CHD9: variants seen among roughly 807,000 people sequenced by gnomAD.
CHD9 encodes chromodomain helicase DNA binding protein 9, also known as ATP-dependent chromatin remodeler CHD9.
A neutral mutation model predicts 316.1 loss-of-function variants in CHD9; 77 were observed. The observed-to-expected ratio is 0.24, with a 90% CI of 0.20 to 0.29. The LOEUF is 0.29. CHD9 is among the 10% of genes least tolerant of loss of function. The pLI is 1.00. For missense variants in CHD9, 2,763 were observed against 3,438.1 expected (o/e 0.80, Z 4.91); for synonymous variants, 1,129 against 1,158.3 (o/e 0.97, Z 0.51).
chr16:53,084,949 TG>T (rs35377732), intron 1 of CHD9, among the ~76,000 whole-genome samples: 1 of 152,186 alleles, frequency 6.6e-6, no homozygotes, highest in Non-Finnish European at 1.5e-5. Context: ...GGTTGCAAAC[TG>T]GGGGTGCTCG....
In CHD9 at chr16:53,162,777, A is replaced by G. The variant is rs528803542; in HGVS notation, c.1452+5236A>G. ...AGAAAGATAGGTTTGAGCAGCACAT[A>G]TAAGCCTTTTTTTTTTTTTTTTGGT... is the stretch of plus-strand genomic sequence containing the variant. On this transcript the variant is annotated intron_variant, in intron 2 of 38. Transcript: ENST00000447540. 3.3e-5 allele frequency among the ~76,000 whole-genome samples: 5 copies of G among 150,296 alleles called. No homozygotes were observed. The East Asian group carries it at 9.7e-4, about 29-fold the overall frequency.
chr16:53,063,466 T>A (rs113765005), intron 1 of CHD9, among the ~76,000 whole-genome samples: 2,232 of 152,070 alleles, frequency 0.015, 58 homozygotes, highest in African/African-American at 0.051. Flanking sequence ...GGTTCCCCAT[T>A]TTTTCTGTCT....
intron 1 of CHD9, among the ~76,000 whole-genome samples, chr16:53,151,060 C>T (rs887030947): frequency 1.3e-5 from 2 of 151,728 alleles, no homozygotes; most frequent in East Asian, 3.9e-4. Flanking sequence ...GTCTTTCTGC[C>T]CTTTTCTCTC....
chr16:53,079,597 G>A lies in CHD9; in HGVS notation c.-165+24520G>A, dbSNP rs529392489. ...ATTATACCTCAGTTTATGTTAGTGG[G>A]GTGTCTTTTGGTTGGAATCCTAGAT... On this transcript the variant is annotated intron_variant, in intron 1 of 38. Transcript: ENST00000447540. Among the ~76,000 whole-genome samples the A allele has an allele frequency of 2.6e-5, 4 of 152,074 alleles. No individual in the cohort carries two copies. The South Asian group carries it at 6.2e-4, about 24-fold the overall frequency.
intron 2 of CHD9, among the ~76,000 whole-genome samples, chr16:53,181,856 A>C (rs1382374655): frequency 6.6e-6 from 1 of 152,134 alleles, no homozygotes; most frequent in Non-Finnish European, 1.5e-5. Context: ...GAGCTGGGCG[A>C]ATCACCTAGG....
At chr16:53,240,090 T>C (rs963577183) in intron 12 of CHD9, among the ~76,000 whole-genome samples, 1 of 152,090 alleles carries the variant, frequency 6.6e-6, no homozygotes, top group Non-Finnish European at 1.5e-5. Context: ...AATTATTTTA[T>C]TTTTTGTGAA....
chr16:53,081,220 A>C (rs1160132566), intron 1 of CHD9, among the ~76,000 whole-genome samples: 2 of 152,212 alleles, frequency 1.3e-5, no homozygotes, highest in African/African-American at 4.8e-5. Flanking sequence ...AGGGACTGTC[A>C]AAGGCAACCA....
At chr16:53,074,599 A>C (rs1030081723) in intron 1 of CHD9, among the ~76,000 whole-genome samples, 4 of 152,056 alleles carry the variant, frequency 2.6e-5, no homozygotes, top group African/African-American at 4.8e-5. Context: ...CATCCCAGCC[A>C]CTCCAGCCGT....
In CHD9 at chr16:53,157,439, T is replaced by C; in HGVS notation, c.1350T>C (p.Asp450=). Residue 450 remains aspartate, a synonymous_variant, in exon 2 of 39, where the codon GAT becomes GAC. Transcript: ENST00000447540. ...FTSHLVTRPS[D]MAQTQLQSQA... ...CGCATCTGGTAACACGGCCTTCTGA[T>C]ATGGCTCAGACTCAGTTGCAAAGTC... 6.2e-7 allele frequency: 1 copy of C among 1,614,034 alleles called. No homozygotes were observed. Among genetic ancestry groups the C allele is most frequent in the South Asian group, 1.1e-5 (1 of 91,090 alleles).
chr16:53,169,783 A>G (rs1438042001), intron 2 of CHD9, among the ~76,000 whole-genome samples: 5 of 152,172 alleles, frequency 3.3e-5, no homozygotes, highest in African/African-American at 1.2e-4. Flanking sequence ...AAATAACATT[A>G]TATACTATAT....
chr16:53,190,048 TA>T (rs1426591958), intron 2 of CHD9, among the ~76,000 whole-genome samples: 6 of 152,234 alleles, frequency 3.9e-5, no homozygotes, highest in African/African-American at 1.2e-4. Context: ...CCCCCAACCC[TA>T]CCTCCCAAAC....
chr16:53,179,718 G>A lies in CHD9; in HGVS notation c.1452+22177G>A, dbSNP rs1010536195. Reference sequence around the variant, plus strand: ...TCAAGACCAGCCTGGCCAACATGGTGAAACCCCATCTCTACTAAAAATACA... The same window carrying A: ...TCAAGACCAGCCTGGCCAACATGGTAAAACCCCATCTCTACTAAAAATACA... On this transcript the variant is annotated intron_variant, in intron 2 of 38. Coordinates refer to ENST00000447540, the MANE Select transcript of CHD9 (RefSeq NM_001308319.2). 4.6e-5 allele frequency among the ~76,000 whole-genome samples: 7 copies of A among 151,992 alleles called. No homozygotes were observed. The South Asian group carries it at 1.0e-3, about 23-fold the overall frequency.
At chr16:53,099,620 A>C (rs925474669) in intron 1 of CHD9, among the ~76,000 whole-genome samples, 1 of 152,072 alleles carries the variant, frequency 6.6e-6, no homozygotes, top group Non-Finnish European at 1.5e-5. Flanking sequence ...TCAGCCAGAC[A>C]GAGGCAACCT....
At chr16:53,216,512 T>G (rs2046774632) in intron 3 of CHD9, among the ~76,000 whole-genome samples, 1 of 152,200 alleles carries the variant, frequency 6.6e-6, no homozygotes, top group Admixed American at 6.5e-5. Flanking sequence ...TAAGGTATGT[T>G]GGAACTCATA....
chr16:53,152,127 G>A (rs1025350476), intron 1 of CHD9, among the ~76,000 whole-genome samples: 1 of 152,086 alleles, frequency 6.6e-6, no homozygotes. Flanking sequence ...CGTCTTGATT[G>A]TTGAAGGCTG....
intron 1 of CHD9, among the ~76,000 whole-genome samples, chr16:53,106,398 A>ATT (rs2037351088): frequency 6.6e-6 from 1 of 152,232 alleles, no homozygotes; most frequent in African/African-American, 2.4e-5. Flanking sequence ...GTGAACTCAA[A>ATT]GAAGCATAGT....
chr16:53,105,523 A>G (rs61416639), intron 1 of CHD9, among the ~76,000 whole-genome samples: 3,160 of 152,286 alleles, frequency 0.021, 116 homozygotes, highest in African/African-American at 0.072. Context: ...TTGGTCAACC[A>G]GTTCCCTAAG....
At chr16:53,220,187 TC>T (rs1262209707) in intron 3 of CHD9, among the ~76,000 whole-genome samples, 2 of 152,242 alleles carry the variant, frequency 1.3e-5, no homozygotes, top group Non-Finnish European at 2.9e-5. Flanking sequence ...TCTTTGTGTT[TC>T]TTCTGATTTC....
In CHD9 at chr16:53,156,237, A is replaced by G. The variant is rs553453005; in HGVS notation, c.148A>G (p.Ile50Val). The G allele has an allele frequency of 3.7e-6, 6 of 1,613,926 alleles. No individual in the cohort carries two copies. Among genetic ancestry groups the G allele is most frequent in the South Asian group, 1.1e-5 (1 of 91,090 alleles). Residue 50 changes from isoleucine to valine, a missense_variant, in exon 2 of 39, where the codon ATA becomes GTA. Around this residue, in one of 15 missense-constraint regions of CHD9, gnomAD observed 859 missense variants for 890.4 expected, o/e 0.96. Coordinates refer to ENST00000447540, the MANE Select transcript of CHD9 (RefSeq NM_001308319.2). ...GGGTGCAGAATTTGAACCGTTGCAC[A>G]TAGATTCACTGAACCATGTTCAAGG... is the stretch of plus-strand genomic sequence containing the variant. ...NLGAEFEPLH[I>V]DSLNHVQGTP...
Sources: gnomAD v4.1 joint callset for allele counts (sites outside exome capture counted in the v4.1 genomes callset) on GRCh38, gnomAD v4.1.1 for gene constraint, gnomAD v4.1.1 regional missense constraint, MANE v1.5 for transcripts, NCBI Gene and HGNC (gene_info 2026-07-23, HGNC 2026-07-21) for gene names.